Variants in ADGRV1 observed in about 807,000 individuals in gnomAD.
ADGRV1 encodes the protein adhesion G protein-coupled receptor V1.
Under a neutral mutation model 596.2 loss-of-function variants are expected in ADGRV1, and 359 were observed. That is an observed-to-expected ratio of 0.60 (90% CI 0.55 to 0.66). The LOEUF (loss-of-function observed/expected upper bound fraction) is 0.66, where lower values mean the gene tolerates loss of function less well. Among genes scored for constraint, ADGRV1 ranks in the 30% least tolerant of loss-of-function variants. The probability of loss-of-function intolerance (pLI) is 0.00; values close to 1 mark genes in which losing one functional copy is unlikely to be tolerated. For missense variants in ADGRV1, 7,274 were observed against 7,575.6 expected, an observed-to-expected ratio of 0.96 and a Z score of 1.48; for synonymous variants, 2,681 against 2,679.2, an observed-to-expected ratio of 1.00 and a Z score of -0.02.
chr5:91,064,335 T>C (rs544978989), intron 85 of ADGRV1, among the ~76,000 whole-genome samples: 1 of 152,344 alleles, frequency 6.6e-6, no homozygotes, highest in East Asian at 1.9e-4. Flanking sequence ...AGCCTGTTTA[T>C]AGTCCTAGCA....
At chr5:90,624,118 T>G (rs1406922845) in intron 5 of ADGRV1, among the ~76,000 whole-genome samples, 1 of 152,230 alleles carries the variant, frequency 6.6e-6, no homozygotes, top group African/African-American at 2.4e-5. Flanking sequence ...TGTTCATGCT[T>G]GTGGGTGTCC....
chr5:90,580,957 ACTCTTTTTT>A (rs893845433), intron 1 of ADGRV1, among the ~76,000 whole-genome samples: 11 of 151,666 alleles, frequency 7.3e-5, no homozygotes, highest in African/African-American at 2.7e-4. Context: ...GTTTTATTTT[ACTCTTTTTT>A]CTCTAACCTT....
chr5:90,785,217 A>G (rs1759298600), intron 67 of ADGRV1, among the ~76,000 whole-genome samples: 1 of 152,204 alleles, frequency 6.6e-6, no homozygotes, highest in South Asian at 2.1e-4. Flanking sequence ...GAAAGCCGAA[A>G]CTGGATCCCT....
intron 86 of ADGRV1, among the ~76,000 whole-genome samples, chr5:91,089,711 A>T (rs1790216245): frequency 6.6e-6 from 1 of 152,214 alleles, no homozygotes; most frequent in Admixed American, 6.5e-5. Context: ...ATGAGTGCTA[A>T]CTGATGTCTT....
intron 38 of ADGRV1, 102 bp downstream of exon 38, chr5:90,706,496 G>C: frequency 1.0e-6 from 1 of 995,404 alleles, no homozygotes. Flanking sequence ...GTGCAGGTTT[G>C]TTACATATAT....
chr5:90,976,986 C>G (rs868298559), intron 84 of ADGRV1, among the ~76,000 whole-genome samples: 9 of 152,118 alleles, frequency 5.9e-5, no homozygotes, highest in Non-Finnish European at 7.4e-5. Context: ...GTTATTTTCT[C>G]AATATAACCA....
chr5:91,162,711 CAGA>C (rs923916590), intron 89 of ADGRV1, among the ~76,000 whole-genome samples: 3 of 152,136 alleles, frequency 2.0e-5, no homozygotes, highest in African/African-American at 4.8e-5. Flanking sequence ...GTCAGAGACC[CAGA>C]AGAAGGAGGG....
chr5:91,147,065 G>A (rs528564092), intron 87 of ADGRV1, among the ~76,000 whole-genome samples: 1 of 151,856 alleles, frequency 6.6e-6, no homozygotes, highest in African/African-American at 2.4e-5. Flanking sequence ...TACTGAGCAG[G>A]CTAAGGTGGG....
intron 69 of ADGRV1, among the ~76,000 whole-genome samples, chr5:90,790,421 A>G (rs1167702160): frequency 6.6e-6 from 1 of 152,204 alleles, no homozygotes; most frequent in African/African-American, 2.4e-5. Context: ...GACACTTCAT[A>G]GTTTTGAGGC....
chr5:91,133,121 CTTTTAT>C (rs1794348666), intron 87 of ADGRV1, among the ~76,000 whole-genome samples: 1 of 152,094 alleles, frequency 6.6e-6, no homozygotes, highest in African/African-American at 2.4e-5. Context: ...TTTTTCTTAA[CTTTTAT>C]TTTAGGTTTA....
chr5:91,101,009 C>T (rs985728172), intron 86 of ADGRV1, among the ~76,000 whole-genome samples: 10 of 150,742 alleles, frequency 6.6e-5, no homozygotes, highest in African/African-American at 2.2e-4. Flanking sequence ...CAACTATACA[C>T]GACTGGATCT....
At chr5:91,014,813 T>A (rs974248003) in intron 85 of ADGRV1, among the ~76,000 whole-genome samples, 1 of 149,546 alleles carries the variant, frequency 6.7e-6, no homozygotes, top group Non-Finnish European at 1.5e-5. Context: ...GCGGCCTATA[T>A]ATCTTATTAA....
chr5:91,031,521 G>C (rs1784482889), intron 85 of ADGRV1, among the ~76,000 whole-genome samples: 1 of 152,190 alleles, frequency 6.6e-6, no homozygotes. Context: ...ACCAGGCTGG[G>C]AGAAAGGTCT....
At position 90,622,025 on chromosome 5, in the gene ADGRV1, A is replaced by G. The variant is rs189533049; in HGVS notation, c.454-572A>G. ...GCTGGCAGCTGCTTCTGTAGCCTGT[A>G]TGTACTTGGCTGTGTCCGTGTTCCT... On this transcript the variant is annotated intron_variant, in intron 4 of 89. Coordinates refer to ENST00000405460, the MANE Select transcript of ADGRV1 (RefSeq NM_032119.4). 3.1e-3 allele frequency among the ~76,000 whole-genome samples: 465 copies of G among 152,268 alleles called. 1 individual carries two copies. Among genetic ancestry groups the G allele is most frequent in the African/African-American group, 5.2e-3 (214 of 41,548 alleles).
At chr5:90,949,375 T>A (rs937184537) in intron 83 of ADGRV1, among the ~76,000 whole-genome samples, 4 of 152,152 alleles carry the variant, frequency 2.6e-5, no homozygotes, top group Non-Finnish European at 4.4e-5. Flanking sequence ...ATCTAAAAAA[T>A]TTTTAAGGTG....
At position 90,619,122 on chromosome 5, in the gene ADGRV1, A is replaced by G; in HGVS notation, c.394A>G (p.Thr132Ala). The G allele has an allele frequency of 6.6e-7, 1 of 1,506,786 alleles. No homozygotes were observed. The highest frequency in any genetic ancestry group is 8.9e-7 in the Non-Finnish European group (1 of 1,123,280). 93.3% of individuals were successfully genotyped at this position (1,506,786 alleles called of 1,614,324 possible). ...AAATGTGAAGCTTGGATGGCCAAGG[A>G]CTGTTACTGTGACAATATTATCAAA... ...SANVKLGWPR[T>A]VTVTILSNDN... is the part of the protein sequence containing the mutation. The change falls in exon 4 of 90, where the codon ACT (threonine) becomes GCT (alanine). Residue 132 changes from threonine (T) to alanine (A), a missense_variant. This residue lies in a region of ADGRV1 where 1,715 missense variants were observed against 1,708.8 expected (regional missense o/e 1.00). Coordinates refer to ENST00000405460, the MANE Select transcript of ADGRV1 (RefSeq NM_032119.4).
chr5:90,760,915 T>G (rs888548097), intron 58 of ADGRV1, among the ~76,000 whole-genome samples: 1 of 152,242 alleles, frequency 6.6e-6, no homozygotes, highest in African/African-American at 2.4e-5. Flanking sequence ...ACATGATAAC[T>G]ATGACATAAT....
At chr5:90,617,736 A>C (rs1482576479) in intron 2 of ADGRV1, 68 bp from the exon 3 acceptor site, 48 of 1,296,732 alleles carry the variant, frequency 3.7e-5, no homozygotes, top group Non-Finnish European at 4.9e-5. Context: ...GATTGCTGTA[A>C]TTAACATCAG....
At chr5:91,053,725 C>A (rs1254617751) in intron 85 of ADGRV1, among the ~76,000 whole-genome samples, 1 of 152,154 alleles carries the variant, frequency 6.6e-6, no homozygotes, top group African/African-American at 2.4e-5. Context: ...TAATTCACTC[C>A]TTTCCTTGCG....
Sources: gnomAD v4.1 joint callset for allele counts (sites outside exome capture counted in the v4.1 genomes callset) on GRCh38, gnomAD v4.1.1 for gene constraint, gnomAD v4.1.1 regional missense constraint, MANE v1.5 for transcripts, NCBI Gene and HGNC (gene_info 2026-07-23, HGNC 2026-07-21) for gene names.